Variants in DSCAML1 observed in about 807,000 individuals in gnomAD.
The protein encoded by DSCAML1 is DS cell adhesion molecule like 1, also known as cell adhesion molecule DSCAML1.
In DSCAML1, 38 loss-of-function variants were observed where a neutral mutation model predicts 200.5. That is an observed-to-expected ratio of 0.19 (90% CI 0.15 to 0.25). DSCAML1 has a LOEUF of 0.25. Among genes scored for constraint, DSCAML1 ranks in the 10% least tolerant of loss-of-function variants. The probability of loss-of-function intolerance (pLI) is 1.00; values close to 1 mark genes in which losing one functional copy is unlikely to be tolerated. For missense variants in DSCAML1, 2,223 were observed against 2,858.8 expected, an observed-to-expected ratio of 0.78 and a Z score of 5.07; for synonymous variants, 1,215 against 1,165.0, an observed-to-expected ratio of 1.04 and a Z score of -0.87.
At chr11:117,792,646 T>A (rs956258600) in intron 1 of DSCAML1, among the ~76,000 whole-genome samples, 2 of 152,154 alleles carry the variant, frequency 1.3e-5, no homozygotes, top group Admixed American at 6.5e-5. Flanking sequence ...CACACCCCCA[T>A]GCCATCAGCA....
intron 3 of DSCAML1, among the ~76,000 whole-genome samples, chr11:117,673,944 T>C (rs1049983575): frequency 3.9e-5 from 6 of 152,184 alleles, no homozygotes; most frequent in East Asian, 1.9e-4. Context: ...CCTGGGAAGA[T>C]GGTGCTAAGA....
chr11:117,469,523 G>A lies in DSCAML1; in HGVS notation c.3024+387C>T, dbSNP rs12416923. 0.086 allele frequency among the ~76,000 whole-genome samples: 13,075 copies of A among 152,154 alleles called. 696 individuals are homozygous for A. Among genetic ancestry groups the A allele is most frequent in the Admixed American group, 0.17 (2,644 of 15,282 alleles). On this transcript the variant is annotated intron_variant, in intron 16 of 32. Transcript: ENST00000651296. This position sits in a 1 kb window ranked among gnomAD's most constrained non-coding sequence, Gnocchi z 4.1. ...ACCCTCAGAGGTAGGGAGGGCAGTT[G>A]TTTTCATGCTGATGTTAGAAAGGAG... is the stretch of plus-strand genomic sequence containing the variant.
intron 3 of DSCAML1, among the ~76,000 whole-genome samples, chr11:117,561,688 G>A (rs981419061): frequency 6.6e-6 from 1 of 152,176 alleles, no homozygotes; most frequent in Non-Finnish European, 1.5e-5. Context: ...TTATCTTCAC[G>A]TTCTAGCTCA....
In DSCAML1 at chr11:117,439,557, G is replaced by A. The variant is rs75386433; in HGVS notation, c.3981-128C>T. 6,041 of 1,288,242 alleles carry A rather than the reference G, an allele frequency of 4.7e-3. 227 individuals are homozygous for A. The African/African-American group carries it at 0.078, about 17-fold the overall frequency. The allele number at this position is 1,288,242 out of a possible 1,614,324, so 79.8% of individuals were successfully genotyped here. A position where few individuals can be genotyped will look rare whatever the true frequency, so the allele number is the denominator to read the frequency against. The stretch of plus-strand genomic sequence containing the variant: ...CTCGCCAGGGAACGCCGGGTTCTTG[G>A]GGCTTTGCTCAGCACTCCCTGGGGG... On this transcript the variant is annotated intron_variant, in intron 22 of 32. Transcript: ENST00000651296.
intron 3 of DSCAML1, among the ~76,000 whole-genome samples, chr11:117,597,933 A>G (rs1271627827): frequency 6.6e-6 from 1 of 152,058 alleles, no homozygotes; most frequent in Admixed American, 6.5e-5. Flanking sequence ...AAAAAAAGCA[A>G]CCAAAGACAT....
Position 117,797,102 on chromosome 11 carries a change from C to T in DSCAML1, c.-23G>A, listed in dbSNP as rs1489468554. On this transcript the variant is annotated 5_prime_UTR_variant, in exon 1 of 33. Transcript: ENST00000651296. ...CATGCCATAAAGAGGCCCTATTCTCCGGGGAGGTGGTCCTGTGGCCGGCCG... is the reference window on the plus strand; with the variant it reads ...CATGCCATAAAGAGGCCCTATTCTCTGGGGAGGTGGTCCTGTGGCCGGCCG... 9 of 1,588,820 alleles carry T rather than the reference C, an allele frequency of 5.7e-6. No homozygotes were observed. The highest frequency in any genetic ancestry group is 1.4e-5 in the African/African-American group (1 of 72,262).
intron 3 of DSCAML1, among the ~76,000 whole-genome samples, chr11:117,608,789 C>T (rs2051625775): frequency 6.6e-6 from 1 of 152,180 alleles, no homozygotes; most frequent in South Asian, 2.1e-4. Context: ...TGTTGACACA[C>T]ATCACCATAA....
chr11:117,605,686 C>A (rs981848925), intron 3 of DSCAML1, among the ~76,000 whole-genome samples: 13 of 152,102 alleles, frequency 8.5e-5, no homozygotes, highest in Non-Finnish European at 1.6e-4. Context: ...AGGGAAGAGG[C>A]GAGAACATGG....
At chr11:117,658,976 G>C (rs748185082) in intron 3 of DSCAML1, among the ~76,000 whole-genome samples, 9 of 152,112 alleles carry the variant, frequency 5.9e-5, no homozygotes, top group Non-Finnish European at 1.3e-4. Flanking sequence ...ACTTTCAGGT[G>C]CACCAGCCTA....
intron 3 of DSCAML1, among the ~76,000 whole-genome samples, chr11:117,708,963 C>CA (rs1290761726): frequency 1.3e-5 from 2 of 152,212 alleles, no homozygotes; most frequent in Non-Finnish European, 2.9e-5. Context: ...AACGTGCCTC[C>CA]AAGTGCACAC....
intron 3 of DSCAML1, among the ~76,000 whole-genome samples, chr11:117,656,250 C>T (rs1055370836): frequency 2.6e-5 from 4 of 152,108 alleles, no homozygotes; most frequent in African/African-American, 7.2e-5. Flanking sequence ...GTGGGGGCAG[C>T]GGGGCAGAGG....
chr11:117,649,041 A>ATATATGTGTGTGTGTG lies in DSCAML1; in HGVS notation c.512-116520_512-116519insCACACACACACATATA, dbSNP rs768621807. On this transcript the variant is annotated intron_variant, in intron 3 of 32. Coordinates refer to ENST00000651296, the MANE Select transcript of DSCAML1 (RefSeq NM_020693.4). ...TCTCGCTCTCTCTCTCTCCATATAT[A>ATATATGTGTGTGTGTG]TGTGTGTGTGTGTGTGTGTGTGTGT... Among the ~76,000 whole-genome samples, 253 of 137,928 alleles carry ATATATGTGTGTGTGTG rather than the reference A, an allele frequency of 1.8e-3. 9 individuals carry two copies. Among genetic ancestry groups the ATATATGTGTGTGTGTG allele is most frequent in the African/African-American group, 6.5e-3 (226 of 34,974 alleles). The allele number at this position is 137,928 out of a possible 152,430, so 90.5% of individuals were successfully genotyped here.
chr11:117,485,668 A>G lies in DSCAML1; in HGVS notation c.2360-3506T>C, dbSNP rs550459059. Among the ~76,000 whole-genome samples the G allele has an allele frequency of 4.6e-5, 7 of 152,372 alleles. No individual in the cohort carries two copies. In the East Asian group the frequency reaches 1.2e-3, roughly 25 times the overall value. ...GTCCTATCCCCAAGGGGTTCCATCA[A>G]GACAGGAGCTCTTTTTTATAGAAAC... is the stretch of plus-strand genomic sequence containing the variant. On this transcript the variant is annotated intron_variant, in intron 11 of 32. Coordinates refer to ENST00000651296, the MANE Select transcript of DSCAML1 (RefSeq NM_020693.4).
intron 3 of DSCAML1, among the ~76,000 whole-genome samples, chr11:117,553,137 A>G (rs968407688): frequency 6.6e-6 from 1 of 152,366 alleles, no homozygotes; most frequent in Middle Eastern, 3.4e-3. Context: ...GACATTCACA[A>G]TGGATCGAAG....
rs2055203181 is a variant in DSCAML1 at position 117,780,027 on chromosome 11, A to T, written c.364+466T>A. Among the ~76,000 whole-genome samples the T allele has an allele frequency of 6.6e-6, 1 of 151,872 alleles. No individual in the cohort carries two copies. Among genetic ancestry groups the T allele is most frequent in the South Asian group, 2.1e-4 (1 of 4,790 alleles). On this transcript the variant is annotated intron_variant, in intron 2 of 32. Transcript: ENST00000651296. The surrounding 1 kb of genome is among the most constrained non-coding windows in gnomAD (Gnocchi z 4.8). Reference sequence around the variant, plus strand: ...CCATCACACGTAGTGATACAGAGGTAGGTACTTGCATCCACTTTGCAGATG... The same window carrying T: ...CCATCACACGTAGTGATACAGAGGTTGGTACTTGCATCCACTTTGCAGATG...
chr11:117,529,981 C>T (rs895968459), intron 4 of DSCAML1, among the ~76,000 whole-genome samples: 1 of 152,160 alleles, frequency 6.6e-6, no homozygotes, highest in Non-Finnish European at 1.5e-5. Flanking sequence ...CTGCATGTGC[C>T]CCCTCCCTGG....
Position 117,439,885 on chromosome 11 carries a change from T to G in DSCAML1, c.3914A>C (p.Lys1305Thr), listed in dbSNP as rs1214535497. 13 of 1,614,078 alleles carry G rather than the reference T, an allele frequency of 8.1e-6. No individual in the cohort carries two copies. Among genetic ancestry groups the G allele is most frequent in the Non-Finnish European group, 1.1e-5 (13 of 1,180,040 alleles). ...TGAATTGCAAGGCAGCCGAACATCT[T>G]TCATCCAAGGTGTTGTCACGGTGCC... is the stretch of plus-strand genomic sequence containing the variant. Reference protein sequence around the residue: ...FGGTVTTPWMKDVRLPCNSVG... With the variant: ...FGGTVTTPWMTDVRLPCNSVG... The change falls in exon 22 of 33, where the codon AAA becomes ACA. Residue 1305 changes from lysine to threonine, a missense_variant. Coordinates refer to ENST00000651296, the MANE Select transcript of DSCAML1 (RefSeq NM_020693.4).
chr11:117,524,389 A>G (rs576263301), intron 5 of DSCAML1, among the ~76,000 whole-genome samples: 11 of 152,318 alleles, frequency 7.2e-5, no homozygotes, highest in African/African-American at 2.6e-4. Flanking sequence ...TAGTGGATTG[A>G]CAGCTGCCTT....
chr11:117,780,729 AC>A lies in DSCAML1; in HGVS notation c.127del (p.Val43TrpfsTer176). 1.3e-6 allele frequency: 2 copies of A among 1,566,044 alleles called. No homozygotes were observed. Among genetic ancestry groups the A allele is most frequent in the Admixed American group, 1.9e-5 (1 of 52,026 alleles). ...GCCCGCGGCCGGGCAGGGCACCACC[AC>A]CCCCACGGAGCTGGAAAAGGTCACC... ...QQVTFSSSVG[V>X]VVPCPAAGSP... On this transcript the variant is annotated frameshift_variant, in exon 2 of 33. Transcript: ENST00000651296. LOFTEE classifies it high-confidence loss of function. The surrounding 1 kb of genome is among the most constrained non-coding windows in gnomAD (Gnocchi z 4.8).
Sources: allele counts gnomAD v4.1 joint callset (sites outside exome capture counted in the v4.1 genomes callset), GRCh38; gene constraint gnomAD v4.1.1; non-coding constraint Gnocchi (gnomAD v3.1); transcripts MANE v1.5; gene names NCBI Gene and HGNC (gene_info 2026-07-23, HGNC 2026-07-21).